DDX1: variants seen among roughly 807,000 people sequenced by gnomAD.
DDX1 encodes the protein DEAD-box helicase 1, also known as ATP-dependent RNA helicase DDX1.
In DDX1, 28 loss-of-function variants were observed where a neutral mutation model predicts 108.7. That is an observed-to-expected ratio of 0.26 (90% CI 0.19 to 0.35). DDX1 has a LOEUF of 0.35. Among genes scored for constraint, DDX1 ranks in the 10% least tolerant of loss-of-function variants. The pLI is 1.00. For synonymous variants in DDX1, 295 were observed against 288.9 expected, an observed-to-expected ratio of 1.02 and a Z score of -0.21; for missense variants, 710 against 884.5, an observed-to-expected ratio of 0.80 and a Z score of 2.50.
intron 5 of DDX1, among the ~76,000 whole-genome samples, chr2:15,598,820 A>T (rs1319424002): frequency 2.0e-5 from 3 of 152,226 alleles, no homozygotes; most frequent in Non-Finnish European, 4.4e-5. Context: ...GTATACATAC[A>T]TCTTAACAAA....
chr2:15,597,853 A>G (rs1665526150), intron 5 of DDX1, among the ~76,000 whole-genome samples: 2 of 152,186 alleles, frequency 1.3e-5, no homozygotes, highest in African/African-American at 2.4e-5. Flanking sequence ...GCTGGTGGGA[A>G]GTATTGCCTT....
At chr2:15,625,462 T>C (rs1401592345) in intron 19 of DDX1, among the ~76,000 whole-genome samples, 1 of 152,128 alleles carries the variant, frequency 6.6e-6, no homozygotes, top group Admixed American at 6.5e-5. Context: ...AAACAAATAT[T>C]GAATTCTAGT....
chr2:15,610,052 A>G (rs1241089932), intron 13 of DDX1, among the ~76,000 whole-genome samples: 1 of 152,082 alleles, frequency 6.6e-6, no homozygotes, highest in East Asian at 1.9e-4. Context: ...CTCCCACCTA[A>G]GCCTCCAGAG....
chr2:15,608,666 T>TTG (rs56688488), intron 13 of DDX1, among the ~76,000 whole-genome samples: 23,734 of 130,466 alleles, frequency 0.18, 2,696 homozygotes, highest in African/African-American at 0.32. Context: ...TTTTTAGGTT[T>TTG]TTTTTTTTTT....
chr2:15,617,396 T>TCTCAA, intron 15 of DDX1, 54 bp downstream of exon 15: 4 of 970,796 alleles, frequency 4.1e-6, no homozygotes, highest in Non-Finnish European at 6.1e-6. Context: ...TTTTTTGAGA[T>TCTCAA]AAAATATATA....
At position 15,591,917 on chromosome 2, in the gene DDX1, C is replaced by G; in HGVS notation, c.-17C>G. 6.9e-7 allele frequency: 1 copy of G among 1,456,732 alleles called. No homozygotes were observed. The highest frequency in any genetic ancestry group is 1.4e-5 in the South Asian group (1 of 72,134). The allele number at this position is 1,456,732 out of a possible 1,614,324, so 90.2% of individuals were successfully genotyped here. On this transcript the variant is annotated 5_prime_UTR_variant, in exon 1 of 26. Transcript: ENST00000233084. ...GGGAGGGAGCGAGCAGGCGAAGCCG[C>G]GGAGGACGGGGTGAAGATGGCGGCC...
intron 13 of DDX1, among the ~76,000 whole-genome samples, chr2:15,611,522 C>T (rs1259945697): frequency 1.4e-5 from 2 of 143,948 alleles, no homozygotes; most frequent in African/African-American, 2.6e-5. Context: ...GGCTGACCCC[C>T]CCACCTCCCT....
Position 15,622,964 on chromosome 2 carries a change from G to C in DDX1, c.1448-472G>C, listed in dbSNP as rs547528330. On this transcript the variant is annotated intron_variant, in intron 18 of 25. Coordinates refer to ENST00000233084, the MANE Select transcript of DDX1 (RefSeq NM_004939.3). ...TTTGTGTTAAGGTTTTTACTGCGTA[G>C]AGTGAAGTATGAACTTTCTGGTATT... Among the ~76,000 whole-genome samples, 24 of 152,286 alleles carry C rather than the reference G, an allele frequency of 1.6e-4. No homozygotes were observed. The South Asian group carries it at 4.1e-3, about 26-fold the overall frequency.
chr2:15,610,513 G>C (rs772163695), intron 13 of DDX1, among the ~76,000 whole-genome samples: 1 of 152,216 alleles, frequency 6.6e-6, no homozygotes, highest in Non-Finnish European at 1.5e-5. Flanking sequence ...CAGTTGGCCA[G>C]TCATTGAAAT....
Position 15,599,710 on chromosome 2 carries a change from G to A in DDX1, c.301G>A (p.Ala101Thr). 6.2e-7 allele frequency: 1 copy of A among 1,608,076 alleles called. No homozygotes were observed. Among genetic ancestry groups the A allele is most frequent in the Non-Finnish European group, 8.5e-7 (1 of 1,176,640 alleles). Residue 101 changes from alanine (A) to threonine (T), a missense_variant, in exon 6 of 26, where the codon GCT becomes ACT. Physicochemically the swap from Ala to Thr is moderately conservative, Grantham distance 58. Coordinates refer to ENST00000233084, the MANE Select transcript of DDX1 (RefSeq NM_004939.3). ...WQMNPYDRGS[A>T]FAIGSDGLCC... The stretch of plus-strand genomic sequence containing the variant: ...GATGAACCCATATGACAGAGGATCT[G>A]CTTTTGGTAAGTGGATAGACTTTCC...
chr2:15,595,421 A>G, intron 2 of DDX1, 69 bp from the exon 3 acceptor site: 2 of 1,309,966 alleles, frequency 1.5e-6, no homozygotes, highest in Admixed American at 3.4e-5. Flanking sequence ...AGGCAAATTA[A>G]CGTGACTTAA....
At chr2:15,595,940 A>G (rs1009774646) in intron 3 of DDX1, among the ~76,000 whole-genome samples, 1 of 152,062 alleles carries the variant, frequency 6.6e-6, no homozygotes. Context: ...GCTGGAGTGC[A>G]GTGGTGTGTT....
At chr2:15,614,265 C>T (rs528124462) in intron 14 of DDX1, among the ~76,000 whole-genome samples, 16 of 152,076 alleles carry the variant, frequency 1.1e-4, no homozygotes, top group African/African-American at 1.7e-4. Flanking sequence ...CTAAACCATC[C>T]GATATTGAGT....
chr2:15,595,545 G>T lies in DDX1; in HGVS notation c.124G>T (p.Val42Leu), dbSNP rs1665484050. Residue 42 changes from valine to leucine, a missense_variant, in exon 3 of 26, where the codon GTA becomes TTA. Val to Leu is a conservative substitution (Grantham distance 32). Coordinates refer to ENST00000233084, the MANE Select transcript of DDX1 (RefSeq NM_004939.3). ...SIPLILGGGD[V>L]LMAAETGSGK... ...CCCATTGATCTTAGGAGGAGGTGAT[G>T]TACTTATGGTAAGTTTAAATTTGGT... The T allele has an allele frequency of 1.2e-6, 2 of 1,607,110 alleles. No individual in the cohort carries two copies. Among genetic ancestry groups the T allele is most frequent in the Non-Finnish European group, 8.5e-7 (1 of 1,173,628 alleles).
intron 16 of DDX1, among the ~76,000 whole-genome samples, chr2:15,619,810 C>T (rs1250529728): frequency 6.6e-6 from 1 of 152,132 alleles, no homozygotes; most frequent in African/African-American, 2.4e-5. Flanking sequence ...GTACTGTTGC[C>T]TGTTCGAAGG....
chr2:15,612,196 ACCT>A (rs1272629616), intron 13 of DDX1, among the ~76,000 whole-genome samples: 1 of 137,930 alleles, frequency 7.3e-6, no homozygotes, highest in South Asian at 2.3e-4. Flanking sequence ...GGTGACCCCC[ACCT>A]CCTTCCTGGA....
At chr2:15,627,023 A>T in intron 19 of DDX1, 31 bp from the exon 20 acceptor site, 1 of 1,457,590 alleles carries the variant, frequency 6.9e-7, no homozygotes, top group Non-Finnish European at 9.5e-7. Context: ...AAGATTTTCC[A>T]AGGTTAAATG....
intron 5 of DDX1, among the ~76,000 whole-genome samples, chr2:15,597,899 A>G (rs976990914): frequency 2.0e-5 from 3 of 152,078 alleles, no homozygotes; most frequent in Non-Finnish European, 4.4e-5. Context: ...CTCTAAGATA[A>G]GAAGGGAACC....
intron 14 of DDX1, among the ~76,000 whole-genome samples, chr2:15,616,205 G>A (rs1032339450): frequency 3.3e-5 from 5 of 152,088 alleles, no homozygotes; most frequent in South Asian, 2.1e-4. Context: ...GAGCCACCGC[G>A]CCGGCCCATA....
Sources: allele counts gnomAD v4.1 joint callset (sites outside exome capture counted in the v4.1 genomes callset), GRCh38; gene constraint gnomAD v4.1.1; transcripts MANE v1.5; gene names NCBI Gene and HGNC (gene_info 2026-07-23, HGNC 2026-07-21).